Variants in MYO9A observed in about 807,000 individuals in gnomAD.
The protein encoded by MYO9A is myosin IXA, also known as unconventional myosin-IXa.
A neutral mutation model predicts 293.3 loss-of-function variants in MYO9A; 103 were observed. The ratio of observed to expected loss-of-function variants is 0.35; its 90% CI spans 0.30 to 0.41. The LOEUF is 0.41. MYO9A is among the 10% of genes least tolerant of loss of function. The pLI is 1.00. For synonymous variants in MYO9A, 1,001 were observed against 1,035.7 expected, an observed-to-expected ratio of 0.97 and a Z score of 0.64; for missense variants, 2,685 against 3,033.0, an observed-to-expected ratio of 0.89 and a Z score of 2.69.
At chr15:72,040,246 G>C (rs964392986) in intron 2 of MYO9A, 4 of 152,308 alleles carry the variant, frequency 2.6e-5, no homozygotes, top group African/African-American at 9.7e-5. Flanking sequence ...AGTTAAAATT[G>C]GTCTTCATCC....
intron 6 of MYO9A, among the ~76,000 whole-genome samples, chr15:72,013,893 G>A (rs1012153692): frequency 1.3e-5 from 2 of 152,190 alleles, no homozygotes; most frequent in African/African-American, 4.8e-5. Flanking sequence ...TGCAACCTCC[G>A]CCTCCTGGGC....
At chr15:72,018,937 T>G (rs2077418971) in intron 6 of MYO9A, 102 bp downstream of exon 6, 3 of 871,826 alleles carry the variant, frequency 3.4e-6, no homozygotes, top group Non-Finnish European at 5.8e-6. Context: ...TAGGATTCTT[T>G]GTATTTCAGC....
intron 1 of MYO9A, among the ~76,000 whole-genome samples, chr15:72,106,080 T>C (rs967983105): frequency 1.3e-5 from 2 of 152,202 alleles, no homozygotes; most frequent in Admixed American, 1.3e-4. Flanking sequence ...AGAATACATA[T>C]ATTTTATTTT....
rs1378568658 is a variant in MYO9A, at chr15:71,888,074, G to A, written c.5185C>T (p.His1729Tyr). 6.2e-7 allele frequency: 1 copy of A among 1,610,584 alleles called. No individual in the cohort carries two copies. The highest frequency in any genetic ancestry group is 1.3e-5 in the African/African-American group (1 of 74,742). ...FSSVDEQAKL[H>Y]KTMSQGEITK... ...ATCTCTCCTTGAGACATAGTCTTAT[G>A]AAGTTTTGCTTGTTCATCAACTGAC... Residue 1729 changes from histidine (H) to tyrosine (Y), a missense_variant, in exon 27 of 42, where the codon CAT (histidine) becomes TAT (tyrosine). Physicochemically the swap from His to Tyr is moderately conservative, Grantham distance 83 (BLOSUM62 2). Coordinates refer to ENST00000356056, the MANE Select transcript of MYO9A (RefSeq NM_006901.4).
chr15:71,844,498 T>C (rs1007225931), intron 39 of MYO9A, among the ~76,000 whole-genome samples: 3 of 152,124 alleles, frequency 2.0e-5, no homozygotes, highest in African/African-American at 4.8e-5. Flanking sequence ...TGCTCTAATG[T>C]GGGGGATCTG....
intron 1 of MYO9A, among the ~76,000 whole-genome samples, chr15:72,075,152 G>A (rs1045788919): frequency 6.6e-6 from 1 of 151,640 alleles, no homozygotes; most frequent in African/African-American, 2.4e-5. Flanking sequence ...TTTTAGTAGA[G>A]ACAGGGTTTC....
At chr15:71,946,140 T>G (rs1316027072) in intron 15 of MYO9A, among the ~76,000 whole-genome samples, 3 of 152,226 alleles carry the variant, frequency 2.0e-5, no homozygotes, top group Non-Finnish European at 4.4e-5. Context: ...TATCCACCAT[T>G]ACAAAGTTAT....
At chr15:72,097,296 A>T (rs529862849) in intron 1 of MYO9A, among the ~76,000 whole-genome samples, 4 of 152,254 alleles carry the variant, frequency 2.6e-5, no homozygotes, top group Non-Finnish European at 5.9e-5. Flanking sequence ...TATCCTGATT[A>T]GTCTGCAGCC....
chr15:71,857,241 CAAATT>C (rs1263656700), intron 34 of MYO9A, among the ~76,000 whole-genome samples: 1 of 151,912 alleles, frequency 6.6e-6, no homozygotes, highest in East Asian at 1.9e-4. Flanking sequence ...AATGAAGAGA[CAAATT>C]AATCTTACTA....
chr15:71,952,843 T>C (rs1354336489), intron 14 of MYO9A, among the ~76,000 whole-genome samples: 1 of 152,178 alleles, frequency 6.6e-6, no homozygotes, highest in Non-Finnish European at 1.5e-5. Context: ...GAACAATCTT[T>C]GGAAAAATCT....
intron 11 of MYO9A, among the ~76,000 whole-genome samples, chr15:71,983,940 G>C (rs1244124899): frequency 6.6e-6 from 1 of 152,140 alleles, no homozygotes; most frequent in Non-Finnish European, 1.5e-5. Flanking sequence ...ATATACCTTG[G>C]TTTTAAGGAA....
chr15:71,872,341 T>A (rs2056540683), intron 32 of MYO9A, among the ~76,000 whole-genome samples: 1 of 152,180 alleles, frequency 6.6e-6, no homozygotes, highest in Non-Finnish European at 1.5e-5. Context: ...TAATAACATC[T>A]TCTCTCACAG....
chr15:72,067,530 C>T (rs1354007584), intron 1 of MYO9A, among the ~76,000 whole-genome samples: 1 of 152,134 alleles, frequency 6.6e-6, no homozygotes, highest in Non-Finnish European at 1.5e-5. Context: ...ATCCACCCGC[C>T]TCAGCCTCCC....
intron 22 of MYO9A, 147 bp downstream of exon 22, chr15:71,902,794 A>T: frequency 1.7e-6 from 1 of 579,060 alleles, no homozygotes; most frequent in Non-Finnish European, 2.8e-6. Context: ...AATATTGACT[A>T]CATAATTAAA....
At chr15:72,073,035 C>T (rs1302130207) in intron 1 of MYO9A, among the ~76,000 whole-genome samples, 1 of 152,182 alleles carries the variant, frequency 6.6e-6, no homozygotes, top group Non-Finnish European at 1.5e-5. Flanking sequence ...TATAAGTAGA[C>T]ATATTTCCCT....
chr15:72,075,389 A>C (rs1162908990), intron 1 of MYO9A, among the ~76,000 whole-genome samples: 5 of 152,174 alleles, frequency 3.3e-5, no homozygotes, highest in African/African-American at 1.2e-4. Context: ...TGCAGATTGG[A>C]ATGAGCAAAG....
intron 10 of MYO9A, among the ~76,000 whole-genome samples, chr15:71,993,050 T>G (rs1300484085): frequency 2.0e-5 from 3 of 152,046 alleles, no homozygotes; most frequent in South Asian, 2.1e-4. Context: ...CCACAATAAA[T>G]GCCTTCTAAA....
At position 71,851,323 on chromosome 15, in the gene MYO9A, A is replaced by G. The variant is rs555398538; in HGVS notation, c.6511T>C (p.Tyr2171His). ...CGGGAGAGTTGATCAATCACAGAGT[A>G]TACACCACGGATTGTCTCCTTCCTC... ...QERKETIRGV[Y>H]SVIDQLSRTH... is the part of the protein sequence containing the mutation. The change falls in exon 37 of 42, where the codon TAC (tyrosine) becomes CAC (histidine). Residue 2171 changes from tyrosine (Y) to histidine (H), a missense_variant. Physicochemically the swap from Tyr to His is moderately conservative, Grantham distance 83. This residue lies in a region of MYO9A where 238 missense variants were observed against 269.1 expected (regional missense o/e 0.88). Coordinates refer to ENST00000356056, the MANE Select transcript of MYO9A (RefSeq NM_006901.4). 13 of 1,613,960 alleles carry G rather than the reference A, an allele frequency of 8.1e-6. No individual in the cohort carries two copies. In the South Asian group the frequency reaches 1.4e-4, roughly 18 times the overall value.
At chr15:71,900,855 T>C (rs1050479667) in intron 23 of MYO9A, among the ~76,000 whole-genome samples, 5 of 152,170 alleles carry the variant, frequency 3.3e-5, no homozygotes, top group African/African-American at 9.6e-5. Flanking sequence ...CAACGGTATA[T>C]ATACAACTCT....
Sources: gnomAD v4.1 joint callset for allele counts (sites outside exome capture counted in the v4.1 genomes callset) on GRCh38, gnomAD v4.1.1 for gene constraint, gnomAD v4.1.1 regional missense constraint, MANE v1.5 for transcripts, NCBI Gene and HGNC (gene_info 2026-07-23, HGNC 2026-07-21) for gene names.